Variants in TRRAP observed in about 807,000 individuals in gnomAD.
The protein encoded by TRRAP is transformation/transcription domain-associated protein.
A neutral mutation model predicts 438.8 loss-of-function variants in TRRAP; 41 were observed. That is an observed-to-expected ratio of 0.09 (90% CI 0.07 to 0.12). TRRAP has a LOEUF of 0.12. Ranked by LOEUF, TRRAP falls within the 10% of genes least tolerant of loss-of-function variation. TRRAP has a pLI of 1.00. For missense variants in TRRAP, 3,122 were observed against 5,055.1 expected (o/e 0.62, Z 11.60); for synonymous variants, 1,994 against 1,962.9 (o/e 1.02, Z -0.42).
chr7:98,970,021 G>C (rs1792340645), intron 51 of TRRAP, 91 bp from the exon 52 acceptor site: 9 of 1,487,976 alleles, frequency 6.0e-6, no homozygotes, highest in Non-Finnish European at 7.3e-6. Flanking sequence ...AGTCAGAGGT[G>C]CCTGAGTGAG....
chr7:99,011,544 C>G lies in TRRAP; in HGVS notation c.11337+9C>G. On this transcript the variant is annotated intron_variant, in intron 72 of 72. Coordinates refer to ENST00000456197, the MANE Select transcript of TRRAP (RefSeq NM_001375524.1). This position sits in a 1 kb window ranked among gnomAD's most constrained non-coding sequence, Gnocchi z 7.1. The stretch of plus-strand genomic sequence containing the variant: ...CCCAGCCAAACTTTAAGGTGGGTCT[C>G]CACGTCGTCCTATCACAGGCGCAGG... The G allele has an allele frequency of 6.2e-7, 1 of 1,611,372 alleles. No homozygotes were observed. Among genetic ancestry groups the G allele is most frequent in the South Asian group, 1.1e-5 (1 of 90,582 alleles).
At chr7:99,001,510 G>A (rs1161682772) in intron 67 of TRRAP, among the ~76,000 whole-genome samples, 2 of 152,042 alleles carry the variant, frequency 1.3e-5, no homozygotes, top group Non-Finnish European at 2.9e-5. Flanking sequence ...AATCAGAAAT[G>A]GGATAGATCT....
At chr7:98,986,227 A>G (rs2116774179) in intron 62 of TRRAP, among the ~76,000 whole-genome samples, 1 of 152,348 alleles carries the variant, frequency 6.6e-6, no homozygotes, top group South Asian at 2.1e-4. Context: ...TTTTAGCTAC[A>G]TGAGTAATGC....
intron 64 of TRRAP, among the ~76,000 whole-genome samples, chr7:98,991,867 C>T (rs993710906): frequency 2.6e-5 from 4 of 152,288 alleles, no homozygotes; most frequent in Non-Finnish European, 4.4e-5. Context: ...GGAAGGAAAG[C>T]GTGGTTTCCC....
At chr7:98,913,213 G>A (rs782480009) in intron 18 of TRRAP, among the ~76,000 whole-genome samples, 6 of 152,050 alleles carry the variant, frequency 3.9e-5, no homozygotes, top group Non-Finnish European at 8.8e-5. Flanking sequence ...CAACTCAGAC[G>A]AAGCTGAACC....
chr7:98,988,954 A>T lies in TRRAP; in HGVS notation c.9579A>T (p.Lys3193Asn). 6.2e-7 allele frequency: 1 copy of T among 1,613,660 alleles called. No homozygotes were observed. The highest frequency in any genetic ancestry group is 8.5e-7 in the Non-Finnish European group (1 of 1,179,854). ...CRHQNESKSR[K>N]YLAKVLWLLS... ...ATCAGAACGAGAGCAAATCGAGGAA[A>T]TACTTAGCCAAGGTGAGACCGAAAA... Residue 3193 changes from lysine to asparagine, a missense_variant, in exon 63 of 73, where the codon AAA (lysine) becomes AAT (asparagine). Physicochemically the swap from Lys to Asn is moderately conservative, Grantham distance 94. Transcript: ENST00000456197.
chr7:98,999,062 G>T, intron 67 of TRRAP: 2 of 1,003,784 alleles, frequency 2.0e-6, no homozygotes, highest in Non-Finnish European at 3.0e-6. Context: ...AGGCAGCCAT[G>T]ACGGGCAGAG....
intron 12 of TRRAP, among the ~76,000 whole-genome samples, chr7:98,904,971 C>T (rs1384353121): frequency 6.6e-6 from 1 of 152,160 alleles, no homozygotes; most frequent in African/African-American, 2.4e-5. Context: ...TTCTGAAGAG[C>T]CAGTGGTTTG....
intron 38 of TRRAP, 67 bp downstream of exon 38, chr7:98,950,329 C>A: frequency 1.3e-6 from 2 of 1,560,982 alleles, no homozygotes; most frequent in Non-Finnish European, 1.7e-6. Context: ...GAACTTTGGG[C>A]CCTTTTCTTT....
intron 29 of TRRAP, 91 bp downstream of exon 29, chr7:98,937,368 T>C: frequency 6.7e-7 from 1 of 1,490,846 alleles, no homozygotes; most frequent in Non-Finnish European, 9.0e-7. Context: ...TTTATTGCTA[T>C]ATAAACAGTG....
At position 98,978,844 on chromosome 7, in the gene TRRAP, C is replaced by T. The variant is rs748094830; in HGVS notation, c.8574C>T (p.Leu2858=). ...GQSKGHINPY[L]VLECAWRVSN... is the part of the protein sequence containing the mutation. ...CCAAAGGCCACATCAACCCCTACCT[C>T]GTCCTGGAGTGCGCCTGGCGGGTGT... Residue 2858 remains leucine (L), a synonymous_variant, in exon 58 of 73, where the codon CTC becomes CTT. Transcript: ENST00000456197. 3.1e-6 allele frequency: 5 copies of T among 1,614,124 alleles called. No homozygotes were observed. The highest frequency in any genetic ancestry group is 1.1e-5 in the South Asian group (1 of 91,092).
chr7:98,881,294 C>T (rs374640716), intron 2 of TRRAP, 44 bp downstream of exon 2: 45 of 1,538,156 alleles, frequency 2.9e-5, no homozygotes, highest in Middle Eastern at 1.7e-4. Flanking sequence ...TAAATAAGGC[C>T]GGATGCGGTG....
chr7:98,969,626 C>T (rs567250394), intron 51 of TRRAP, among the ~76,000 whole-genome samples: 14 of 152,026 alleles, frequency 9.2e-5, no homozygotes, highest in Non-Finnish European at 1.5e-4. Flanking sequence ...TGGGGAAGAA[C>T]GGTGTGGTGG....
Position 98,917,457 on chromosome 7 carries a change from G to T in TRRAP, c.2400G>T (p.Gln800His). The change falls in exon 20 of 73, where the codon CAG (glutamine) becomes CAT (histidine). Residue 800 changes from glutamine to histidine, a missense_variant. This residue lies in a region of TRRAP where 149 missense variants were observed against 302.8 expected (regional missense o/e 0.49). Transcript: ENST00000456197. ...LNMLQSGLHK[Q>H]HMKDLFVELC... ...TGCTTCAGAGTGGCCTGCACAAGCA[G>T]CACATGAAGGACCTCTTTGTGGAGC... The T allele has an allele frequency of 6.2e-7, 1 of 1,614,184 alleles. No individual in the cohort carries two copies. The highest frequency in any genetic ancestry group is 8.5e-7 in the Non-Finnish European group (1 of 1,180,040).
At chr7:98,959,879 A>G (rs571502519) in intron 45 of TRRAP, among the ~76,000 whole-genome samples, 1 of 148,830 alleles carries the variant, frequency 6.7e-6, no homozygotes, top group Admixed American at 6.7e-5. Context: ...GCAGTGAGCT[A>G]TGATTGGTGC....
intron 43 of TRRAP, 40 bp from the exon 44 acceptor site, chr7:98,957,940 GT>G: frequency 5.7e-6 from 9 of 1,575,660 alleles, no homozygotes; most frequent in Non-Finnish European, 7.8e-6. Context: ...GGAAATTAGT[GT>G]TGCGATTCTC....
At position 98,906,083 on chromosome 7, in the gene TRRAP, C is replaced by G. The variant is rs527691080; in HGVS notation, c.1037-94C>G. On this transcript the variant is annotated intron_variant, in intron 12 of 72. Coordinates refer to ENST00000456197, the MANE Select transcript of TRRAP (RefSeq NM_001375524.1). ...TTTCAGGTCTGGATTGCATATCAGA[C>G]TGGCGGGCTGGCTACTTCGAAAGCA... 36 of 938,868 alleles carry G rather than the reference C, an allele frequency of 3.8e-5. No individual in the cohort carries two copies. In the African/African-American group the frequency reaches 1.1e-3, roughly 28 times the overall value. 58.2% of individuals were successfully genotyped at this position (938,868 alleles called of 1,614,324 possible). A position where few individuals can be genotyped will look rare whatever the true frequency, so the allele number is the denominator to read the frequency against.
rs781992991 is a variant in TRRAP at position 98,953,223 on chromosome 7, G to A, written c.5520G>A (p.Leu1840=). The change falls in exon 40 of 73, where the codon CTG becomes CTA. Residue 1840 remains leucine (L), a synonymous_variant. Transcript: ENST00000456197. ...TGGACTCGCTGCGGATCTACCTGCT[G>A]CAGTACGCCACGCTGCTGGTGGAGC... ...DMLDSLRIYL[L]QYATLLVEHA... is the part of the protein sequence containing the mutation. 8 of 1,613,314 alleles carry A rather than the reference G, an allele frequency of 5.0e-6. No individual in the cohort carries two copies. The highest frequency in any genetic ancestry group is 6.8e-6 in the Non-Finnish European group (8 of 1,179,974).
chr7:98,992,261 G>C, intron 65 of TRRAP, 34 bp downstream of exon 65: 1 of 1,609,868 alleles, frequency 6.2e-7, no homozygotes, highest in Non-Finnish European at 8.5e-7. Context: ...GGCCAGGCCG[G>C]GAAGGGCTCA....
Sources: gnomAD v4.1 joint callset for allele counts (sites outside exome capture counted in the v4.1 genomes callset) on GRCh38, gnomAD v4.1.1 for gene constraint, gnomAD v4.1.1 regional missense constraint, Gnocchi (gnomAD v3.1) non-coding constraint, MANE v1.5 for transcripts, NCBI Gene and HGNC (gene_info 2026-07-23, HGNC 2026-07-21) for gene names.